QTGAL: variants seen among roughly 807,000 people sequenced by gnomAD.
QTGAL encodes queuosine-tRNA galactosyltransferase.
At chr17:82,946,143 CTAG>C in the QTGAL span, among the ~76,000 whole-genome samples, 1 of 151,898 alleles carries the variant, frequency 6.6e-6, no homozygotes, top group African/African-American at 2.4e-5. Flanking sequence ...AACTTCTATA[CTAG>C]TAGGAGAGAA....
chr17:83,001,269 C>T, the QTGAL span, among the ~76,000 whole-genome samples: 2 of 152,182 alleles, frequency 1.3e-5, no homozygotes, highest in African/African-American at 2.4e-5. Flanking sequence ...CAGCAGAAGT[C>T]GGACTACTGA....
the QTGAL span, among the ~76,000 whole-genome samples, chr17:83,019,945 G>A: frequency 1.3e-5 from 2 of 152,068 alleles, no homozygotes; most frequent in African/African-American, 2.4e-5. Flanking sequence ...CGTTGGCCAG[G>A]CTGGTCTCAA....
chr17:83,039,064 A>G, the QTGAL span, among the ~76,000 whole-genome samples: 1 of 152,212 alleles, frequency 6.6e-6, no homozygotes, highest in Non-Finnish European at 1.5e-5. Context: ...TGATGATGAC[A>G]GCAATGATGA....
chr17:83,001,647 C>A, the QTGAL span, among the ~76,000 whole-genome samples: 1 of 152,098 alleles, frequency 6.6e-6, no homozygotes, highest in Non-Finnish European at 1.5e-5. Flanking sequence ...GGGTGTGTGA[C>A]CTGCACACAG....
the QTGAL span, among the ~76,000 whole-genome samples, chr17:82,969,871 G>A: frequency 4.5e-4 from 68 of 151,910 alleles, no homozygotes; most frequent in African/African-American, 1.5e-3. Context: ...GTTGAGATGG[G>A]GTTTCACCAT....
chr17:82,996,930 A>G, the QTGAL span, among the ~76,000 whole-genome samples: 11 of 152,234 alleles, frequency 7.2e-5, no homozygotes, highest in Admixed American at 7.2e-4. Context: ...TAAGACTTCA[A>G]ACTATGAAAC....
At chr17:83,048,418 A>C in the QTGAL span, 1 of 1,458,014 alleles carries the variant, frequency 6.9e-7, no homozygotes, top group East Asian at 2.3e-5. Context: ...TCGGTACGTA[A>C]GTTGATAAGA....
At chr17:82,970,557 CCGCGACCTCCGCACCCGGCG>C in the QTGAL span, among the ~76,000 whole-genome samples, 1 of 90,126 alleles carries the variant, frequency 1.1e-5, no homozygotes, top group East Asian at 3.8e-4. Flanking sequence ...CCCGGCGTGG[CCGCGACCTCCGCACCCGGCG>C]TGGCCGCGAC....
the QTGAL span, among the ~76,000 whole-genome samples, chr17:83,028,758 A>C: frequency 6.6e-6 from 1 of 152,174 alleles, no homozygotes; most frequent in Non-Finnish European, 1.5e-5. Context: ...CTGATGTGCC[A>C]ATTCCACCCC....
At chr17:82,959,532 A>G in the QTGAL span, among the ~76,000 whole-genome samples, 1 of 151,886 alleles carries the variant, frequency 6.6e-6, no homozygotes, top group Non-Finnish European at 1.5e-5. Flanking sequence ...CTTCCCCACC[A>G]GGTGACGCAG....
the QTGAL span, chr17:82,956,843 G>A: frequency 2.7e-5 from 40 of 1,498,326 alleles, no homozygotes; most frequent in Admixed American, 7.9e-5. The surrounding 1 kb of genome is among the most constrained non-coding windows in gnomAD (Gnocchi z 5.7). Flanking sequence ...CAGGGTGCAC[G>A]CAGCCACCAA....
chr17:83,051,276 G>GGCGGGGCAGGTGCGCAGGA, the QTGAL span, among the ~76,000 whole-genome samples: 1 of 150,116 alleles, frequency 6.7e-6, no homozygotes, highest in Non-Finnish European at 1.5e-5. Flanking sequence ...GGTGCGCGGG[G>GGCGGGGCAGGTGCGCAGGA]GCGGGGCAGG....
the QTGAL span, among the ~76,000 whole-genome samples, chr17:82,964,111 A>T: frequency 6.6e-6 from 1 of 151,732 alleles, no homozygotes; most frequent in Non-Finnish European, 1.5e-5. Flanking sequence ...AAATAGGAAA[A>T]AAGTAGCTGG....
the QTGAL span, chr17:83,005,124 G>A: frequency 6.2e-7 from 1 of 1,607,158 alleles, no homozygotes; most frequent in Non-Finnish European, 8.5e-7. The surrounding 1 kb of genome is among the most constrained non-coding windows in gnomAD (Gnocchi z 5.6). Context: ...CCTGGGTTAG[G>A]AGCTGCTCCG....
chr17:82,968,717 T>G, the QTGAL span, among the ~76,000 whole-genome samples: 1 of 152,220 alleles, frequency 6.6e-6, no homozygotes, highest in Non-Finnish European at 1.5e-5. Flanking sequence ...TTTGTCTTGT[T>G]GGCCGGGCGC....
the QTGAL span, among the ~76,000 whole-genome samples, chr17:82,955,298 C>T: frequency 1.0e-3 from 158 of 152,030 alleles, no homozygotes; most frequent in African/African-American, 3.1e-3. Flanking sequence ...AAAAAGTGGG[C>T]GAAGGACATG....
chr17:82,970,776 C>T, the QTGAL span, among the ~76,000 whole-genome samples: 65 of 152,222 alleles, frequency 4.3e-4, no homozygotes, highest in African/African-American at 1.4e-3. Flanking sequence ...GTGTGAAATA[C>T]ACATGACATT....
the QTGAL span, chr17:83,014,304 C>A: frequency 1.2e-6 from 1 of 843,134 alleles, no homozygotes; most frequent in Non-Finnish European, 1.8e-6. Flanking sequence ...CTCCAGGGCT[C>A]AGAGACATGC....
At chr17:82,970,565 T>TCCCCAC in the QTGAL span, among the ~76,000 whole-genome samples, 7 of 128,250 alleles carry the variant, frequency 5.5e-5, no homozygotes, top group African/African-American at 1.4e-4. Flanking sequence ...GGCCGCGACC[T>TCCCCAC]CCGCACCCGG....
Sources: allele counts gnomAD v4.1 joint callset (sites outside exome capture counted in the v4.1 genomes callset), GRCh38; gene constraint gnomAD v4.1.1; non-coding constraint Gnocchi (gnomAD v3.1); transcripts MANE v1.5; gene names NCBI Gene and HGNC (gene_info 2026-07-23, HGNC 2026-07-21).